The following C1orf167 variants were observed in gnomAD, a reference collection of about 807,000 sequenced individuals.
The protein encoded by C1orf167 is chromosome 1 open reading frame 167, also known as uncharacterized protein C1orf167.
Under a neutral mutation model 176.5 loss-of-function variants are expected in C1orf167, and 153 were observed. The ratio of observed to expected loss-of-function variants is 0.87; its 90% CI spans 0.76 to 0.99. The LOEUF (loss-of-function observed/expected upper bound fraction) is 0.99, where lower values mean the gene tolerates loss of function less well. Among genes scored for constraint, C1orf167 ranks in the 50% least tolerant of loss-of-function variants. The pLI, the probability that C1orf167 is intolerant of heterozygous loss-of-function variation, is 0.00. For synonymous variants in C1orf167, 594 were observed against 752.7 expected (o/e 0.79, Z 3.45); for missense variants, 1,490 against 1,817.7 (o/e 0.82, Z 3.28).
In C1orf167 at chr1:11,788,147, A is replaced by G. The variant is rs1289530000; in HGVS notation, c.3849-2A>G. ...GGCTACAGCTGGGCCCTCTCTGGCCAGTGCTCGTTCCTGCAGGATCCTGGA... is the reference window on the plus strand; with the variant it reads ...GGCTACAGCTGGGCCCTCTCTGGCCGGTGCTCGTTCCTGCAGGATCCTGGA... On this transcript the variant is annotated splice_acceptor_variant, in intron 18 of 20. Transcript: ENST00000688073. LOFTEE classifies it high-confidence loss of function. The G allele has an allele frequency of 1.6e-6, 2 of 1,284,610 alleles. No homozygotes were observed. Among genetic ancestry groups the G allele is most frequent in the Admixed American group, 2.3e-5 (1 of 42,930 alleles). The allele number at this position is 1,284,610 out of a possible 1,614,324, so 79.6% of individuals were successfully genotyped here. A position where few individuals can be genotyped will look rare whatever the true frequency, so the allele number is the denominator to read the frequency against.
At chr1:11,775,370 G>A in intron 8 of C1orf167, 65 bp from the exon 9 acceptor site, 1 of 1,189,450 alleles carries the variant, frequency 8.4e-7, no homozygotes, top group Non-Finnish European at 1.1e-6. Flanking sequence ...GGCAATGGCA[G>A]GCAGCTGGAG....
chr1:11,787,629 C>A lies in C1orf167; in HGVS notation c.3673+136C>A. On this transcript the variant is annotated intron_variant, in intron 17 of 20. Coordinates refer to ENST00000688073, the MANE Select transcript of C1orf167 (RefSeq NM_001010881.2). ...ATTGACCATTCTCCCCATCCATTCCCTCTTCGGAATGTTTCAGCTGTTCTG... is the reference window on the plus strand; with the variant it reads ...ATTGACCATTCTCCCCATCCATTCCATCTTCGGAATGTTTCAGCTGTTCTG... 3 of 806,760 alleles carry A rather than the reference C, an allele frequency of 3.7e-6. No individual in the cohort carries two copies. The South Asian group carries it at 5.6e-5, about 15-fold the overall frequency. The allele number at this position is 806,760 out of a possible 1,614,324, so 50.0% of individuals were successfully genotyped here. A position where few individuals can be genotyped will look rare whatever the true frequency, so the allele number is the denominator to read the frequency against.
chr1:11,767,276 G>A lies in C1orf167; in HGVS notation c.1343+12G>A. 7.8e-7 allele frequency: 1 copy of A among 1,287,764 alleles called. No individual in the cohort carries two copies. The highest frequency in any genetic ancestry group is 1.0e-6 in the Non-Finnish European group (1 of 987,046). The allele number at this position is 1,287,764 out of a possible 1,614,324, so 79.8% of individuals were successfully genotyped here. A position where few individuals can be genotyped will look rare whatever the true frequency, so the allele number is the denominator to read the frequency against. ...TCTGAGGCAATCTGGTGAGGCCATG[G>A]CTGGGTGGGGACAGGGGTTGGAGTT... On this transcript the variant is annotated intron_variant, in intron 4 of 20. Transcript: ENST00000688073.
At chr1:11,786,994 G>A (rs902426009) in intron 16 of C1orf167, 29 of 152,986 alleles carry the variant, frequency 1.9e-4, no homozygotes, top group African/African-American at 7.0e-4. Flanking sequence ...TGGCACCCAG[G>A]GTGCTGAATT....
chr1:11,762,468 G>C (rs1478437844), intron 1 of C1orf167, among the ~76,000 whole-genome samples, 163 bp downstream of exon 1: 3 of 152,186 alleles, frequency 2.0e-5, no homozygotes, highest in African/African-American at 4.8e-5. Context: ...GAAGAGCTCC[G>C]GCGTGAGGGG....
At chr1:11,774,185 G>A (rs548481225) in intron 8 of C1orf167, among the ~76,000 whole-genome samples, 2 of 152,206 alleles carry the variant, frequency 1.3e-5, no homozygotes, top group South Asian at 4.2e-4. Context: ...GATTACAGGT[G>A]TGAGCTACCA....
At chr1:11,776,744 G>A (rs1557733729) in intron 10 of C1orf167, 106 bp downstream of exon 10, 8 of 1,011,822 alleles carry the variant, frequency 7.9e-6, no homozygotes, top group Non-Finnish European at 8.9e-6. Flanking sequence ...TATCCCATAG[G>A]GCAGTAACTG....
intron 9 of C1orf167, among the ~76,000 whole-genome samples, chr1:11,775,850 A>C (rs1187846782): frequency 6.6e-6 from 1 of 152,116 alleles, no homozygotes; most frequent in Non-Finnish European, 1.5e-5. Context: ...TGCTCCTCCC[A>C]CTGCAGGCTT....
At chr1:11,781,924 A>G (rs1015795060) in intron 13 of C1orf167, among the ~76,000 whole-genome samples, 3 of 150,552 alleles carry the variant, frequency 2.0e-5, no homozygotes, top group Non-Finnish European at 4.4e-5. Context: ...AAAAAAAAAA[A>G]TAGAAAATTA....
chr1:11,781,455 C>T (rs896237870), intron 13 of C1orf167, among the ~76,000 whole-genome samples: 2 of 152,224 alleles, frequency 1.3e-5, no homozygotes, highest in Non-Finnish European at 2.9e-5. Context: ...CTGCCCACTA[C>T]ACCGACATAT....
Position 11,766,467 on chromosome 1 carries a change from C to T in C1orf167, c.681C>T (p.Asn227=), listed in dbSNP as rs1642800282. ...TLEDLAVPSQ[N]QTQAPSRAAV... is the part of the protein sequence containing the mutation. ...AGGACCTGGCTGTCCCCAGTCAGAA[C>T]CAGACTCAGGCCCCATCCCGTGCTG... is the stretch of plus-strand genomic sequence containing the variant. The change falls in exon 3 of 21, where the codon AAC becomes AAT. Residue 227 remains asparagine (N), a synonymous_variant. Transcript: ENST00000688073. The surrounding 1 kb of genome is among the most constrained non-coding windows in gnomAD (Gnocchi z 4.5). 2.3e-6 allele frequency: 3 copies of T among 1,287,124 alleles called. No homozygotes were observed. The highest frequency in any genetic ancestry group is 3.0e-6 in the Non-Finnish European group (3 of 987,480). The allele number at this position is 1,287,124 out of a possible 1,614,324, so 79.7% of individuals were successfully genotyped here.
In C1orf167 at chr1:11,778,546, G is replaced by A. The variant is rs1570413614; in HGVS notation, c.2340-114G>A. The A allele has an allele frequency of 5.3e-6, 5 of 935,036 alleles. No individual in the cohort carries two copies. The East Asian group carries it at 2.6e-4, about 49-fold the overall frequency. The allele number at this position is 935,036 out of a possible 1,614,324, so 57.9% of individuals were successfully genotyped here. ...TAGCCCAGCGTCTGGCCTGTGGCGA[G>A]CACCCTTTCAGCCCATCTCTTTCAC... On this transcript the variant is annotated intron_variant, in intron 10 of 20. Coordinates refer to ENST00000688073, the MANE Select transcript of C1orf167 (RefSeq NM_001010881.2).
chr1:11,770,988 GTGTGTGTGTGTGTA>G (rs1348648531), intron 6 of C1orf167, among the ~76,000 whole-genome samples: 9 of 79,258 alleles, frequency 1.1e-4, no homozygotes, highest in East Asian at 5.5e-4. Flanking sequence ...GTGTGTGTGT[GTGTGTGTGTGTGTA>G]TATATCACCT....
At chr1:11,780,515 G>A (rs1643545864) in intron 13 of C1orf167, among the ~76,000 whole-genome samples, 1 of 152,174 alleles carries the variant, frequency 6.6e-6, no homozygotes, top group Non-Finnish European at 1.5e-5. Flanking sequence ...CTGTAGTCTT[G>A]AGTTTGAATC....
At chr1:11,779,655 C>T in intron 12 of C1orf167, 147 bp from the exon 13 acceptor site, 1 of 551,000 alleles carries the variant, frequency 1.8e-6, no homozygotes, top group Non-Finnish European at 2.8e-6. Flanking sequence ...CTCCAGTCCC[C>T]AGCAACCCAC....
At chr1:11,764,576 A>G in intron 2 of C1orf167, 106 bp downstream of exon 2, 1 of 951,944 alleles carries the variant, frequency 1.1e-6, no homozygotes, top group South Asian at 1.4e-5. Context: ...GGGCCTGGCT[A>G]ATTCCAGAGA....
chr1:11,775,753 G>A, intron 9 of C1orf167, 143 bp downstream of exon 9: 3 of 1,044,984 alleles, frequency 2.9e-6, no homozygotes, highest in Non-Finnish European at 3.7e-6. Flanking sequence ...CTGGGAGGGT[G>A]CAGGAGGGGT....
In C1orf167 at chr1:11,768,027, T is replaced by G; in HGVS notation, c.1344-50T>G. On this transcript the variant is annotated intron_variant, in intron 4 of 20. Transcript: ENST00000688073. The surrounding 1 kb of genome is among the most constrained non-coding windows in gnomAD (Gnocchi z 4.5). ...GGGTATCCAGCCACTGGGCTGTCCC[T>G]GGGGATAGGAGGGCAGTCCACACCC... The G allele has an allele frequency of 8.2e-7, 1 of 1,218,432 alleles. No individual in the cohort carries two copies. Among genetic ancestry groups the G allele is most frequent in the Non-Finnish European group, 1.1e-6 (1 of 947,854 alleles). 75.5% of individuals were successfully genotyped at this position (1,218,432 alleles called of 1,614,324 possible).
chr1:11,771,047 G>GTATA (rs1557726771), intron 6 of C1orf167, among the ~76,000 whole-genome samples: 23 of 33,582 alleles, frequency 6.8e-4, no homozygotes, highest in African/African-American at 2.0e-3. Flanking sequence ...GTGTGTGTGT[G>GTATA]TGTATATATA....
Sources: gnomAD v4.1 joint callset for allele counts (sites outside exome capture counted in the v4.1 genomes callset) on GRCh38, gnomAD v4.1.1 for gene constraint, Gnocchi (gnomAD v3.1) non-coding constraint, MANE v1.5 for transcripts, NCBI Gene and HGNC (gene_info 2026-07-23, HGNC 2026-07-21) for gene names.